THSD4: variants seen among roughly 807,000 people sequenced by gnomAD.
The protein encoded by THSD4 is thrombospondin type-1 domain-containing protein 4.
A neutral mutation model predicts 119.0 loss-of-function variants in THSD4; 69 were observed. The observed-to-expected ratio is 0.58, with a 90% CI of 0.48 to 0.71. The LOEUF (loss-of-function observed/expected upper bound fraction) is 0.71. Ranked by LOEUF, THSD4 falls within the 30% of genes least tolerant of loss-of-function variation. The pLI is 0.00. For synonymous variants in THSD4, 524 were observed against 540.4 expected, an observed-to-expected ratio of 0.97 and a Z score of 0.42; for missense variants, 1,393 against 1,391.1, an observed-to-expected ratio of 1.00 and a Z score of -0.02.
intron 7 of THSD4, among the ~76,000 whole-genome samples, chr15:71,617,649 T>G (rs1434339414): frequency 6.6e-6 from 1 of 152,238 alleles, no homozygotes; most frequent in Non-Finnish European, 1.5e-5. Context: ...GGTGCAAAGC[T>G]GGTCTTAAAA....
In THSD4 at chr15:71,607,346, T is replaced by C. The variant is rs1407968215; in HGVS notation, c.1153-53184T>C. ...GGCAAGAATGGATGGCATTTGTAAA[T>C]GACAAGGAGCCTGAGAGGTGACCAT... is the stretch of plus-strand genomic sequence containing the variant. On this transcript the variant is annotated intron_variant, in intron 7 of 17. Coordinates refer to ENST00000261862, the MANE Select transcript of THSD4 (RefSeq NM_024817.3). Among the ~76,000 whole-genome samples, 3 of 152,318 alleles carry C rather than the reference T, an allele frequency of 2.0e-5. No homozygotes were observed. The East Asian group carries it at 5.8e-4, about 29-fold the overall frequency.
chr15:71,746,917 G>A lies in THSD4; in HGVS notation c.2116G>A (p.Val706Met), dbSNP rs116091226. The A allele has an allele frequency of 8.5e-4, 1,372 of 1,614,016 alleles. 14 individuals carry two copies. In the African/African-American group the frequency reaches 0.017, roughly 19 times the overall value. ...MQHRQVLCRQ[V>M]YANRSLTVQP... ...GCACCGCCAGGTTCTGTGCCGCCAGGTGTACGCCAACCGCAGCCTGACGGT... is the reference window on the plus strand; with the variant it reads ...GCACCGCCAGGTTCTGTGCCGCCAGATGTACGCCAACCGCAGCCTGACGGT... Residue 706 changes from valine (V) to methionine (M), a missense_variant, in exon 13 of 18, where the codon GTG becomes ATG. Coordinates refer to ENST00000261862, the MANE Select transcript of THSD4 (RefSeq NM_024817.3).
chr15:71,447,960 T>C (rs116414506), intron 7 of THSD4, among the ~76,000 whole-genome samples: 165 of 152,334 alleles, frequency 1.1e-3, no homozygotes, highest in African/African-American at 3.8e-3. Context: ...TACTTGTCAA[T>C]TGAATCTGTG....
intron 6 of THSD4, among the ~76,000 whole-genome samples, chr15:71,369,681 T>A (rs1252042386): frequency 5.9e-5 from 9 of 152,224 alleles, no homozygotes; most frequent in Admixed American, 5.2e-4. Context: ...GGATTTGGTT[T>A]GCCAGTATTT....
chr15:71,398,006 T>G (rs1322805403), intron 6 of THSD4, among the ~76,000 whole-genome samples: 1 of 152,214 alleles, frequency 6.6e-6, no homozygotes, highest in East Asian at 1.9e-4. Flanking sequence ...GTATTTTCAC[T>G]TTTCTGGGTG....
intron 8 of THSD4, among the ~76,000 whole-genome samples, chr15:71,677,513 A>G (rs4776567): frequency 0.89 from 135,203 of 152,212 alleles, 60,974 homozygotes; most frequent in East Asian, 1. Context: ...TACTTTCCAC[A>G]TGGTGTCTGA....
At chr15:71,256,938 G>A (rs1260119873) in intron 6 of THSD4, among the ~76,000 whole-genome samples, 1 of 152,182 alleles carries the variant, frequency 6.6e-6, no homozygotes, top group Non-Finnish European at 1.5e-5. Context: ...GATGGATGAG[G>A]CACTGATGGA....
intron 6 of THSD4, among the ~76,000 whole-genome samples, chr15:71,299,976 A>AATATATAT (rs1185451144): frequency 6.2e-5 from 3 of 48,314 alleles, no homozygotes; most frequent in South Asian, 8.1e-4. Flanking sequence ...AAAAAAAAAA[A>AATATATAT]ATATATATAT....
intron 7 of THSD4, among the ~76,000 whole-genome samples, chr15:71,543,814 G>A (rs1395869312): frequency 1.3e-5 from 2 of 152,164 alleles, no homozygotes; most frequent in African/African-American, 4.8e-5. Flanking sequence ...GATCACCTGA[G>A]GTTGGGAGTT....
intron 6 of THSD4, among the ~76,000 whole-genome samples, chr15:71,282,966 ATTT>A (rs573742429): frequency 4.0e-4 from 52 of 130,978 alleles, no homozygotes; most frequent in African/African-American, 1.2e-3. Flanking sequence ...GGCAGGTTAG[ATTT>A]TTTTTTTTTT....
In THSD4 at chr15:71,653,243, TA is replaced by T. The variant is rs1271408384; in HGVS notation, c.1153-7286del. On this transcript the variant is annotated intron_variant, in intron 7 of 17. Transcript: ENST00000261862. ...AGAAGGTTTGATAGCAGTAAGGAAC[TA>T]TTTTTGGAAACTGGATAATTAAGTG... Among the ~76,000 whole-genome samples, 6 of 152,374 alleles carry T rather than the reference TA, an allele frequency of 3.9e-5. No individual in the cohort carries two copies. The East Asian group carries it at 9.6e-4, about 24-fold the overall frequency.
chr15:71,334,844 T>G (rs566828987), intron 6 of THSD4, among the ~76,000 whole-genome samples: 6 of 152,160 alleles, frequency 3.9e-5, no homozygotes, highest in Non-Finnish European at 8.8e-5. Context: ...ATGCACATCT[T>G]TCATGGAGGT....
chr15:71,745,151 A>G lies in THSD4; in HGVS notation c.1952A>G (p.Glu651Gly). The part of the protein sequence containing the change: ...IFRCVHRSTH[E>G]EAPESYCDSS... ...CGCTGTGTGCACAGAAGCACTCATG[A>G]AGAGGCTCCTGAGAGTTACTGTGAC... Residue 651 changes from glutamate (E) to glycine (G), a missense_variant, in exon 12 of 18, where the codon GAA becomes GGA. Transcript: ENST00000261862. 1 of 1,612,598 alleles carries G rather than the reference A, an allele frequency of 6.2e-7. No homozygotes were observed.
At chr15:71,515,978 C>T (rs1016648286) in intron 7 of THSD4, among the ~76,000 whole-genome samples, 1 of 152,124 alleles carries the variant, frequency 6.6e-6, no homozygotes, top group African/African-American at 2.4e-5. Context: ...CCAAATCAAG[C>T]CTATAGTCAG....
chr15:71,484,196 C>A (rs143738728), intron 7 of THSD4, among the ~76,000 whole-genome samples: 4 of 152,288 alleles, frequency 2.6e-5, no homozygotes, highest in Admixed American at 6.5e-5. Flanking sequence ...ATTCCTGATG[C>A]TCTGACCATC....
At position 71,436,263 on chromosome 15, in the gene THSD4, T is replaced by C. The variant is rs535578334; in HGVS notation, c.1152+24440T>C. Among the ~76,000 whole-genome samples, 11 of 152,142 alleles carry C rather than the reference T, an allele frequency of 7.2e-5. No homozygotes were observed. In the East Asian group the frequency reaches 1.9e-3, roughly 27 times the overall value. ...CTACTTCTACCCTGTGATACCCTTA[T>C]TTATGACAAAACAAAACAGGAAGAC... On this transcript the variant is annotated intron_variant, in intron 7 of 17. Transcript: ENST00000261862.
intron 8 of THSD4, among the ~76,000 whole-genome samples, chr15:71,692,075 T>C (rs1008244476): frequency 1.2e-4 from 19 of 152,210 alleles, no homozygotes; most frequent in African/African-American, 4.3e-4. Context: ...TCTATCCAAA[T>C]GACCAGAGCC....
intron 7 of THSD4, among the ~76,000 whole-genome samples, chr15:71,567,586 G>T (rs1246320944): frequency 2.3e-5 from 3 of 128,892 alleles, no homozygotes. Flanking sequence ...TCCTGGACAA[G>T]AACAAAGACA....
intron 7 of THSD4, among the ~76,000 whole-genome samples, chr15:71,505,394 TA>T (rs1416577294): frequency 6.6e-6 from 1 of 152,206 alleles, no homozygotes; most frequent in Admixed American, 6.5e-5. Flanking sequence ...ACATGTACTT[TA>T]AAAAGACTTT....
Sources: allele counts gnomAD v4.1 joint callset (sites outside exome capture counted in the v4.1 genomes callset), GRCh38; gene constraint gnomAD v4.1.1; transcripts MANE v1.5; gene names NCBI Gene and HGNC (gene_info 2026-07-23, HGNC 2026-07-21).